RBFOX1: variants seen among roughly 807,000 people sequenced by gnomAD.
RBFOX1 encodes the protein RNA binding protein fox-1 homolog 1.
Under a neutral mutation model 57.7 loss-of-function variants are expected in RBFOX1, and 8 were observed. The observed-to-expected ratio is 0.14, with a 90% CI of 0.08 to 0.25. The LOEUF is 0.25. Among genes scored for constraint, RBFOX1 ranks in the 10% least tolerant of loss-of-function variants. The probability of loss-of-function intolerance (pLI) is 1.00; values close to 1 mark genes in which losing one functional copy is unlikely to be tolerated. For synonymous variants in RBFOX1, 326 were observed against 222.4 expected (o/e 1.47, Z -4.15); for missense variants, 611 against 548.5 (o/e 1.11, Z -1.14).
chr16:6,973,303 C>A (rs965935037), intron 3 of RBFOX1, among the ~76,000 whole-genome samples: 2 of 152,108 alleles, frequency 1.3e-5, no homozygotes, highest in African/African-American at 2.4e-5. Flanking sequence ...ATGTGCCATG[C>A]AGACAAAATA....
At chr16:7,047,637 C>G (rs929327014) in intron 3 of RBFOX1, among the ~76,000 whole-genome samples, 1 of 141,982 alleles carries the variant, frequency 7.0e-6, no homozygotes, top group African/African-American at 2.6e-5. Context: ...TTGCAGTGAA[C>G]TCTTTATCCT....
intron 2 of RBFOX1, among the ~76,000 whole-genome samples, chr16:5,540,072 G>T (rs1486422): frequency 0.29 from 44,038 of 151,992 alleles, 7,103 homozygotes; most frequent in Non-Finnish European, 0.36. Flanking sequence ...TTTTTCTAAA[G>T]GTAAGAGACA....
chr16:5,248,362 G>T (rs1485636787), intron 1 of RBFOX1, among the ~76,000 whole-genome samples: 2 of 152,220 alleles, frequency 1.3e-5, no homozygotes, highest in South Asian at 4.1e-4. Context: ...AGCCTTCCTT[G>T]CAGGCAACTG....
intron 3 of RBFOX1, among the ~76,000 whole-genome samples, chr16:6,684,013 G>C (rs1208513496): frequency 1.3e-5 from 2 of 152,210 alleles, no homozygotes; most frequent in Admixed American, 6.5e-5. Flanking sequence ...GGAAGATAGT[G>C]AATGGTCCAC....
intron 4 of RBFOX1, among the ~76,000 whole-genome samples, chr16:7,508,077 C>T (rs1366555461): frequency 6.6e-6 from 1 of 152,042 alleles, no homozygotes; most frequent in African/African-American, 2.4e-5. Context: ...CACTCCACCT[C>T]CCGGGTTCAA....
chr16:6,350,972 C>T (rs2086251506), intron 2 of RBFOX1, among the ~76,000 whole-genome samples: 1 of 152,258 alleles, frequency 6.6e-6, no homozygotes, highest in Non-Finnish European at 1.5e-5. Context: ...AAATGAAGAC[C>T]ACAGGCAGTG....
intron 1 of RBFOX1, among the ~76,000 whole-genome samples, chr16:6,204,848 A>G (rs1188958990): frequency 6.6e-6 from 1 of 152,146 alleles, no homozygotes; most frequent in East Asian, 1.9e-4. Context: ...AGCTTTCTGC[A>G]AAAAGGGCAT....
At chr16:6,887,224 G>C (rs1371508704) in intron 3 of RBFOX1, among the ~76,000 whole-genome samples, 1 of 152,154 alleles carries the variant, frequency 6.6e-6, no homozygotes, top group Non-Finnish European at 1.5e-5. Flanking sequence ...TACTTGGAAG[G>C]AGACTATAGA....
At chr16:7,083,190 G>T (rs1330512780) in intron 4 of RBFOX1, among the ~76,000 whole-genome samples, 1 of 152,072 alleles carries the variant, frequency 6.6e-6, no homozygotes, top group Non-Finnish European at 1.5e-5. Context: ...CGAGGGGACA[G>T]TCCACGGAAT....
At chr16:7,005,996 C>T (rs543615832) in intron 3 of RBFOX1, among the ~76,000 whole-genome samples, 18 of 152,184 alleles carry the variant, frequency 1.2e-4, no homozygotes, top group Non-Finnish European at 2.4e-4. Context: ...GGCAAATCCT[C>T]TAAGAAGCTG....
At chr16:6,007,105 G>A (rs1432921865) in intron 4 of RBFOX1, among the ~76,000 whole-genome samples, 1 of 152,176 alleles carries the variant, frequency 6.6e-6, no homozygotes, top group Non-Finnish European at 1.5e-5. Context: ...GGATATGACA[G>A]TCACCCTCTA....
intron 3 of RBFOX1, among the ~76,000 whole-genome samples, chr16:5,803,139 G>C (rs1419142144): frequency 6.6e-6 from 1 of 152,136 alleles, no homozygotes; most frequent in Non-Finnish European, 1.5e-5. Context: ...TCCATCCGCT[G>C]TATCCCTCCC....
In RBFOX1 at chr16:6,703,989, C is replaced by T. The variant is rs1018415725; in HGVS notation, c.-16+49339C>T. The T allele has an allele frequency of 2.6e-5, 4 of 152,426 alleles. 1 individual carries two copies. Among genetic ancestry groups the T allele is most frequent in the South Asian group, 4.1e-4 (2 of 4,826 alleles). 9.4% of individuals were successfully genotyped at this position (152,426 alleles called of 1,614,324 possible). A position where few individuals can be genotyped will look rare whatever the true frequency, so the allele number is the denominator to read the frequency against. On this transcript the variant is annotated intron_variant, in intron 3 of 15. Coordinates refer to ENST00000550418, the MANE Select transcript of RBFOX1 (RefSeq NM_018723.4). The stretch of plus-strand genomic sequence containing the variant: ...CCAGTCCCCCTGCTTTGATTTTAAC[C>T]CTCTCTGTGTCTCTCTCCTCTGACT...
At chr16:5,659,821 G>A (rs1038329346) in intron 3 of RBFOX1, among the ~76,000 whole-genome samples, 1 of 152,014 alleles carries the variant, frequency 6.6e-6, no homozygotes, top group Non-Finnish European at 1.5e-5. Context: ...TCAAATCATT[G>A]GTATTTTCAC....
intron 3 of RBFOX1, among the ~76,000 whole-genome samples, chr16:6,777,704 T>G (rs572873094): frequency 6.6e-6 from 1 of 152,284 alleles, no homozygotes; most frequent in Non-Finnish European, 1.5e-5. Flanking sequence ...TCTTATGCAT[T>G]CTGATGGAGC....
At chr16:5,928,359 A>T (rs2058977752) in intron 4 of RBFOX1, among the ~76,000 whole-genome samples, 1 of 151,866 alleles carries the variant, frequency 6.6e-6, no homozygotes, top group Non-Finnish European at 1.5e-5. Context: ...TTGGGATTAT[A>T]GGCAGGAGCC....
intron 1 of RBFOX1, among the ~76,000 whole-genome samples, chr16:6,134,163 C>G (rs1265747713): frequency 6.6e-6 from 1 of 152,142 alleles, no homozygotes; most frequent in Admixed American, 6.5e-5. Context: ...TCTCGAACTC[C>G]TGACCTCAGG....
chr16:7,237,076 T>C (rs1351126205), intron 4 of RBFOX1, among the ~76,000 whole-genome samples: 2 of 152,166 alleles, frequency 1.3e-5, no homozygotes, highest in East Asian at 3.9e-4. Context: ...GAGAGCTGTG[T>C]GGGGTTTGGG....
chr16:6,076,629 G>T (rs1164555907), intron 1 of RBFOX1, among the ~76,000 whole-genome samples: 1 of 132,996 alleles, frequency 7.5e-6, no homozygotes, highest in African/African-American at 2.5e-5. Context: ...CTCTTAACCT[G>T]GGAAATCTAT....
Sources: gnomAD v4.1 joint callset for allele counts (sites outside exome capture counted in the v4.1 genomes callset) on GRCh38, gnomAD v4.1.1 for gene constraint, MANE v1.5 for transcripts, NCBI Gene and HGNC (gene_info 2026-07-23, HGNC 2026-07-21) for gene names.